FHIP1A: variants seen among roughly 807,000 people sequenced by gnomAD.
FHIP1A encodes the protein FHF complex subunit HOOK-interacting protein 1A.
FHIP1A carries 61 observed loss-of-function variants against 88.6 expected under a neutral mutation model. The ratio of observed to expected loss-of-function variants is 0.69; its 90% CI spans 0.56 to 0.85. The LOEUF (loss-of-function observed/expected upper bound fraction) is 0.85. Ranked by LOEUF, FHIP1A falls within the 40% of genes least tolerant of loss-of-function variation. FHIP1A has a pLI of 0.00. For synonymous variants in FHIP1A, 478 were observed against 496.0 expected (o/e 0.96, Z 0.48); for missense variants, 1,154 against 1,273.5 (o/e 0.91, Z 1.43).
chr4:151,468,668 A>C (rs774762805), intron 2 of FHIP1A, among the ~76,000 whole-genome samples: 1 of 152,210 alleles, frequency 6.6e-6, no homozygotes, highest in Non-Finnish European at 1.5e-5. Flanking sequence ...GTGTATGTAC[A>C]CTAAGTTTTA....
At position 151,626,950 on chromosome 4, in the gene FHIP1A, G is replaced by A. The variant is rs180982282; in HGVS notation, c.979-2752G>A. ...ACACTTAGGCTCTGGTCTCATCCTC[G>A]TTAAGGAGGTTGCATATTTGGGGGG... is the stretch of plus-strand genomic sequence containing the variant. On this transcript the variant is annotated intron_variant, in intron 7 of 13. Coordinates refer to ENST00000435205, the MANE Select transcript of FHIP1A (RefSeq NM_001109977.3). 1.5e-4 allele frequency among the ~76,000 whole-genome samples: 23 copies of A among 152,262 alleles called. No individual in the cohort carries two copies. In the East Asian group the frequency reaches 3.1e-3, roughly 20 times the overall value.
intron 1 of FHIP1A, among the ~76,000 whole-genome samples, chr4:151,412,613 TCCC>T (rs1235713701): frequency 2.3e-3 from 271 of 118,682 alleles, no homozygotes; most frequent in South Asian, 5.1e-3. Context: ...CCTTCCTTCC[TCCC>T]TCCCTCCCTC....
At chr4:151,502,157 G>GAAAAAA (rs370065238) in intron 3 of FHIP1A, among the ~76,000 whole-genome samples, 10 of 114,104 alleles carry the variant, frequency 8.8e-5, no homozygotes, top group African/African-American at 1.6e-4. Context: ...CTCTACAAAA[G>GAAAAAA]AAAAAAAAAA....
intron 3 of FHIP1A, among the ~76,000 whole-genome samples, chr4:151,544,395 A>G (rs1348261878): frequency 6.6e-6 from 1 of 152,234 alleles, no homozygotes; most frequent in Non-Finnish European, 1.5e-5. Context: ...TTATGACCAT[A>G]TACCAAAATA....
intron 5 of FHIP1A, among the ~76,000 whole-genome samples, chr4:151,582,508 C>T (rs1221124046): frequency 6.6e-6 from 1 of 152,202 alleles, no homozygotes; most frequent in Admixed American, 6.5e-5. Flanking sequence ...AACTGCCTGT[C>T]AGTGGCAGAT....
At chr4:151,478,160 G>A (rs939305323) in intron 2 of FHIP1A, among the ~76,000 whole-genome samples, 2 of 152,096 alleles carry the variant, frequency 1.3e-5, no homozygotes, top group Admixed American at 6.6e-5. Context: ...CTGTACACTC[G>A]AAAATGTTCG....
intron 8 of FHIP1A, among the ~76,000 whole-genome samples, chr4:151,630,807 C>T (rs929012563): frequency 3.9e-5 from 6 of 152,140 alleles, no homozygotes; most frequent in Non-Finnish European, 7.4e-5. Context: ...TCATGCAAAG[C>T]ATGTTCTCTG....
intron 3 of FHIP1A, among the ~76,000 whole-genome samples, chr4:151,514,621 T>C (rs1045431138): frequency 4.6e-5 from 7 of 152,138 alleles, no homozygotes; most frequent in African/African-American, 1.7e-4. Flanking sequence ...GTAAAGGGCA[T>C]ATCACCACCG....
chr4:151,627,406 T>C (rs1038206966), intron 7 of FHIP1A, among the ~76,000 whole-genome samples: 6 of 152,198 alleles, frequency 3.9e-5, no homozygotes, highest in Admixed American at 6.5e-5. Context: ...ACTAAGGTCA[T>C]GTGTAACTTA....
At chr4:151,539,307 C>G (rs1732183498) in intron 3 of FHIP1A, among the ~76,000 whole-genome samples, 1 of 152,134 alleles carries the variant, frequency 6.6e-6, no homozygotes, top group Admixed American at 6.5e-5. Context: ...CGTGGCCAGG[C>G]ACAGTGGCTC....
chr4:151,576,086 A>G (rs1733779522), intron 4 of FHIP1A, among the ~76,000 whole-genome samples: 1 of 152,222 alleles, frequency 6.6e-6, no homozygotes, highest in South Asian at 2.1e-4. Flanking sequence ...ATTCTAAGTC[A>G]TGAAGTTAAA....
At chr4:151,438,862 G>A (rs1561494958) in intron 1 of FHIP1A, among the ~76,000 whole-genome samples, 1 of 151,702 alleles carries the variant, frequency 6.6e-6, no homozygotes, top group Non-Finnish European at 1.5e-5. Context: ...CAGGCTGGGC[G>A]TGAGCTTCTG....
At chr4:151,651,555 C>T (rs999509957) in intron 11 of FHIP1A, among the ~76,000 whole-genome samples, 5 of 152,144 alleles carry the variant, frequency 3.3e-5, no homozygotes, top group Non-Finnish European at 7.4e-5. Flanking sequence ...CTTTAGCATC[C>T]CAGGCCCTCC....
chr4:151,650,019 C>G lies in FHIP1A; in HGVS notation c.1978C>G (p.Gln660Glu). The G allele has an allele frequency of 6.4e-7, 1 of 1,551,694 alleles. No homozygotes were observed. ...GGACTCCGAGGACATGAAGGATTCT[C>G]AGGAGGAAGCTGCTAGGCCACCAGC... ...EKDSEDMKDS[Q>E]EEAARPPAEA... Residue 660 changes from glutamine to glutamate, a missense_variant, in exon 11 of 14, where the codon CAG (glutamine) becomes GAG (glutamate). Transcript: ENST00000435205.
rs553353146 is a variant in FHIP1A at position 151,477,057 on chromosome 4, G to T, written c.-247-5467G>T. Among the ~76,000 whole-genome samples the T allele has an allele frequency of 2.5e-3, 382 of 152,266 alleles. 12 individuals are homozygous for T. The South Asian group carries it at 0.076, about 30-fold the overall frequency. ...GTGCCAATTCTCTGTGAATTAATCTGTATTTTTATGTAATTCCAGTAAAAA... is the reference window on the plus strand; with the variant it reads ...GTGCCAATTCTCTGTGAATTAATCTTTATTTTTATGTAATTCCAGTAAAAA... On this transcript the variant is annotated intron_variant, in intron 2 of 13. Transcript: ENST00000435205.
chr4:151,434,358 G>T (rs954817989), intron 1 of FHIP1A, among the ~76,000 whole-genome samples: 1 of 152,100 alleles, frequency 6.6e-6, no homozygotes, highest in Non-Finnish European at 1.5e-5. Flanking sequence ...GATATTCTTA[G>T]ACTGTTATAG....
At chr4:151,512,209 A>G (rs571919846) in intron 3 of FHIP1A, among the ~76,000 whole-genome samples, 16 of 152,374 alleles carry the variant, frequency 1.1e-4, no homozygotes, top group Non-Finnish European at 1.9e-4. Flanking sequence ...AAACTCCAAC[A>G]GACCTGCAGC....
intron 1 of FHIP1A, among the ~76,000 whole-genome samples, chr4:151,433,802 C>A (rs2126544768): frequency 6.6e-6 from 1 of 152,286 alleles, no homozygotes; most frequent in Non-Finnish European, 1.5e-5. Flanking sequence ...CCTTTAGAAT[C>A]TCTTGCTCAA....
At chr4:151,495,071 G>A (rs912311969) in intron 3 of FHIP1A, among the ~76,000 whole-genome samples, 7 of 152,102 alleles carry the variant, frequency 4.6e-5, no homozygotes, top group African/African-American at 1.4e-4. Context: ...AGATTTAGGG[G>A]CTTTTGGGCA....
Sources: allele counts gnomAD v4.1 joint callset (sites outside exome capture counted in the v4.1 genomes callset), GRCh38; gene constraint gnomAD v4.1.1; transcripts MANE v1.5; gene names NCBI Gene and HGNC (gene_info 2026-07-23, HGNC 2026-07-21).